The following SIK3 variants were observed in gnomAD, a reference collection of about 807,000 sequenced individuals.
The protein encoded by SIK3 is SIK family kinase 3.
Under a neutral mutation model 144.2 loss-of-function variants are expected in SIK3, and 28 were observed. That is an observed-to-expected ratio of 0.19 (90% CI 0.14 to 0.27). The LOEUF (loss-of-function observed/expected upper bound fraction) is 0.27, where lower values mean the gene tolerates loss of function less well. Among genes scored for constraint, SIK3 ranks in the 10% least tolerant of loss-of-function variants. The probability of loss-of-function intolerance (pLI) is 1.00; values close to 1 mark genes in which losing one functional copy is unlikely to be tolerated. For synonymous variants in SIK3, 686 were observed against 676.3 expected, an observed-to-expected ratio of 1.01 and a Z score of -0.22; for missense variants, 1,319 against 1,776.0, an observed-to-expected ratio of 0.74 and a Z score of 4.62.
At chr11:116,988,978 T>G (rs187802797) in intron 1 of SIK3, among the ~76,000 whole-genome samples, 13 of 152,110 alleles carry the variant, frequency 8.5e-5, no homozygotes, top group East Asian at 3.9e-4. Context: ...CAAGTCTCCC[T>G]TTCTGTCCCT....
chr11:117,087,883 G>C (rs1565631255), intron 1 of SIK3, among the ~76,000 whole-genome samples: 1 of 152,060 alleles, frequency 6.6e-6, no homozygotes, highest in East Asian at 1.9e-4. Flanking sequence ...TGAAAAACTA[G>C]AAATAAAATT....
chr11:117,010,075 A>G (rs1379141710), intron 1 of SIK3, among the ~76,000 whole-genome samples: 5 of 152,178 alleles, frequency 3.3e-5, no homozygotes. Context: ...ATGATCATCA[A>G]GGGGACGGTG....
chr11:116,863,573 A>C (rs1943466655), intron 16 of SIK3, 95 bp downstream of exon 16: 1 of 1,543,648 alleles, frequency 6.5e-7, no homozygotes, highest in African/African-American at 1.4e-5. Context: ...AATGTTGCTG[A>C]CATAAAAGGG....
At chr11:116,899,600 C>G (rs1945632946) in intron 4 of SIK3, among the ~76,000 whole-genome samples, 1 of 152,222 alleles carries the variant, frequency 6.6e-6, no homozygotes, top group South Asian at 2.1e-4. Context: ...AATTTTAACT[C>G]TCCTTGTGCT....
At chr11:117,035,999 T>A in intron 1 of SIK3, 3 of 1,541,086 alleles carry the variant, frequency 1.9e-6, no homozygotes, top group Non-Finnish European at 2.7e-6. Flanking sequence ...CTTCTTGTGT[T>A]TCCTCTTCTC....
chr11:117,001,896 G>A (rs1950865622), intron 1 of SIK3, among the ~76,000 whole-genome samples: 1 of 152,040 alleles, frequency 6.6e-6, no homozygotes, highest in Non-Finnish European at 1.5e-5. Context: ...GATTCTATCT[G>A]TCCACCTAAA....
chr11:116,926,145 G>C (rs1591341170), intron 4 of SIK3, among the ~76,000 whole-genome samples: 1 of 152,118 alleles, frequency 6.6e-6, no homozygotes, highest in Non-Finnish European at 1.5e-5. Context: ...TTTATACCTT[G>C]CCTTTTCTAG....
In SIK3 at chr11:116,846,528, A is replaced by C; in HGVS notation, c.3978T>G (p.His1326Gln). ...NEECGASLGG[H>Q]EHPDLSDGSQ... Reference sequence around the variant, plus strand: ...TGCCATCACTCAGGTCTGGGTGCTCATGACCTCCCAGGCTTGCCCCACATT... The same window carrying C: ...TGCCATCACTCAGGTCTGGGTGCTCCTGACCTCCCAGGCTTGCCCCACATT... The change falls in exon 24 of 25, where the codon CAT (histidine) becomes CAG (glutamine). Residue 1326 changes from histidine to glutamine, a missense_variant. By Grantham distance (24) the His-to-Gln change is conservative. Around this residue, in one of 8 missense-constraint regions of SIK3, gnomAD observed 646 missense variants for 763.7 expected, o/e 0.85. Coordinates refer to ENST00000445177, the MANE Select transcript of SIK3 (RefSeq NM_001366686.3). This position sits in a 1 kb window ranked among gnomAD's most constrained non-coding sequence, Gnocchi z 4.1. 1 of 1,614,208 alleles carries C rather than the reference A, an allele frequency of 6.2e-7. No individual in the cohort carries two copies. Among genetic ancestry groups the C allele is most frequent in the Middle Eastern group, 1.6e-4 (1 of 6,062 alleles).
intron 3 of SIK3, among the ~76,000 whole-genome samples, chr11:116,948,905 G>A (rs893117641): frequency 6.6e-6 from 1 of 151,798 alleles, no homozygotes; most frequent in African/African-American, 2.4e-5. Context: ...ATAGAGGATA[G>A]AAAAACAACC....
intron 1 of SIK3, among the ~76,000 whole-genome samples, chr11:117,088,006 G>A (rs1422155683): frequency 1.3e-5 from 2 of 152,292 alleles, no homozygotes; most frequent in Admixed American, 6.5e-5. Context: ...AAAGAGGGAG[G>A]ATCATTTGAG....
At chr11:117,082,451 A>G (rs1954830202) in intron 1 of SIK3, among the ~76,000 whole-genome samples, 1 of 152,240 alleles carries the variant, frequency 6.6e-6, no homozygotes. Context: ...CCATAAAAAA[A>G]TAATGAGATT....
intron 14 of SIK3, chr11:116,869,473 G>C (rs137897360): frequency 1.9e-4 from 29 of 152,362 alleles, no homozygotes; most frequent in African/African-American, 6.5e-4. Flanking sequence ...CAAAGAGTAA[G>C]CCATTAATGT....
chr11:116,955,354 T>A (rs960757484), intron 2 of SIK3, among the ~76,000 whole-genome samples: 1 of 152,168 alleles, frequency 6.6e-6, no homozygotes, highest in Non-Finnish European at 1.5e-5. Flanking sequence ...GCAGAGATCA[T>A]GCCACTGCAC....
At chr11:116,873,080 G>A (rs1944049015) in intron 13 of SIK3, among the ~76,000 whole-genome samples, 1 of 152,216 alleles carries the variant, frequency 6.6e-6, no homozygotes, top group African/African-American at 2.4e-5. Flanking sequence ...TAGTGAAAAG[G>A]CAATTTTGGA....
rs1306399486 is a variant in SIK3 at position 116,858,432 on chromosome 11, C to T, written c.3033G>A (p.Gln1011=). Residue 1011 remains glutamine, a synonymous_variant, in exon 21 of 25, where the codon CAG becomes CAA. Coordinates refer to ENST00000445177, the MANE Select transcript of SIK3 (RefSeq NM_001366686.3). The surrounding 1 kb of genome is among the most constrained non-coding windows in gnomAD (Gnocchi z 5.4). ...SPTPPDYTRH[Q]QVPHILQGLL... is the part of the protein sequence containing the mutation. Reference sequence around the variant, plus strand: ...GTCCTTGAAGGATGTGGGGTACCTGCTGGTGTCTTGTATAGTCTGGCGGCG... The same window carrying T: ...GTCCTTGAAGGATGTGGGGTACCTGTTGGTGTCTTGTATAGTCTGGCGGCG... 1 of 1,609,786 alleles carries T rather than the reference C, an allele frequency of 6.2e-7. No homozygotes were observed. The highest frequency in any genetic ancestry group is 8.5e-7 in the Non-Finnish European group (1 of 1,177,732).
intron 1 of SIK3, among the ~76,000 whole-genome samples, chr11:116,996,819 CAAAAAAAAAAAAAAAA>C (rs11329513): frequency 5.1e-5 from 3 of 58,406 alleles, no homozygotes; most frequent in South Asian, 1.7e-3. Flanking sequence ...GACTCTCTCT[CAAAAAAAAAAAAAAAA>C]AAAAAAAAAA....
intron 1 of SIK3, among the ~76,000 whole-genome samples, chr11:117,057,945 T>C (rs1205325200): frequency 6.6e-6 from 1 of 152,170 alleles, no homozygotes; most frequent in African/African-American, 2.4e-5. Context: ...GTTGTTACCA[T>C]CATTACTATT....
At chr11:116,881,160 AAAAT>A (rs1476356964) in intron 6 of SIK3, among the ~76,000 whole-genome samples, 1 of 152,068 alleles carries the variant, frequency 6.6e-6, no homozygotes, top group African/African-American at 2.4e-5. Flanking sequence ...AAATAAATAA[AAAAT>A]AAAAGGGCCC....
chr11:117,074,785 G>A (rs993635123), intron 1 of SIK3, among the ~76,000 whole-genome samples: 1 of 151,990 alleles, frequency 6.6e-6, no homozygotes, highest in Non-Finnish European at 1.5e-5. Context: ...AAATTAGCCA[G>A]GTGTGGTGGC....
Sources: allele counts gnomAD v4.1 joint callset (sites outside exome capture counted in the v4.1 genomes callset), GRCh38; gene constraint gnomAD v4.1.1; regional missense constraint gnomAD v4.1.1; non-coding constraint Gnocchi (gnomAD v3.1); transcripts MANE v1.5; gene names NCBI Gene and HGNC (gene_info 2026-07-23, HGNC 2026-07-21).